Variants in EPHA6 observed in about 807,000 individuals in gnomAD.
EPHA6 encodes the protein EPH receptor A6, also known as ephrin type-A receptor 6.
EPHA6 carries 50 observed loss-of-function variants against 112.0 expected under a neutral mutation model. That is an observed-to-expected ratio of 0.45 (90% CI 0.36 to 0.56). The LOEUF (loss-of-function observed/expected upper bound fraction) is 0.56, where lower values mean the gene tolerates loss of function less well. Among genes scored for constraint, EPHA6 ranks in the 20% least tolerant of loss-of-function variants. The probability of loss-of-function intolerance (pLI) is 0.00; values close to 1 mark genes in which losing one functional copy is unlikely to be tolerated. For synonymous variants in EPHA6, 529 were observed against 490.7 expected (o/e 1.08, Z -1.03); for missense variants, 1,280 against 1,417.4 (o/e 0.90, Z 1.56).
chr3:97,003,852 A>T (rs2043774532), intron 3 of EPHA6, among the ~76,000 whole-genome samples: 1 of 137,370 alleles, frequency 7.3e-6, no homozygotes. Flanking sequence ...CGTGTTCTTA[A>T]TGGATGTTCA....
At chr3:97,288,671 A>G (rs1446740035) in intron 5 of EPHA6, among the ~76,000 whole-genome samples, 1 of 152,204 alleles carries the variant, frequency 6.6e-6, no homozygotes, top group Non-Finnish European at 1.5e-5. Context: ...ACAGTGGCTG[A>G]ACTAATTTAC....
intron 3 of EPHA6, among the ~76,000 whole-genome samples, chr3:97,211,716 T>TG (rs1559801276): frequency 6.6e-6 from 1 of 152,090 alleles, no homozygotes; most frequent in South Asian, 2.1e-4. Context: ...CATCAAAATT[T>TG]GGGGGGCATA....
At chr3:96,878,339 TGAGAGA>T (rs939898986) in intron 2 of EPHA6, among the ~76,000 whole-genome samples, 1 of 150,748 alleles carries the variant, frequency 6.6e-6, no homozygotes, top group African/African-American at 2.4e-5. Context: ...ACAGAAAGAT[TGAGAGA>T]GAGAGAAAGA....
intron 14 of EPHA6, among the ~76,000 whole-genome samples, chr3:97,678,986 G>T (rs2031636667): frequency 6.6e-6 from 1 of 152,028 alleles, no homozygotes; most frequent in Non-Finnish European, 1.5e-5. Context: ...TATTTATTGT[G>T]ATAACTATAT....
chr3:97,741,173 C>A (rs1576386272), intron 16 of EPHA6, among the ~76,000 whole-genome samples: 1 of 151,816 alleles, frequency 6.6e-6, no homozygotes, highest in Non-Finnish European at 1.5e-5. Context: ...CAAAGTGAGA[C>A]CCCATCTCTA....
chr3:97,495,281 C>A (rs1197958300), intron 10 of EPHA6, among the ~76,000 whole-genome samples: 1 of 149,794 alleles, frequency 6.7e-6, no homozygotes, highest in Non-Finnish European at 1.5e-5. Flanking sequence ...TAAATATGAA[C>A]CATATATATC....
At chr3:97,471,719 G>A (rs2091235134) in intron 7 of EPHA6, among the ~76,000 whole-genome samples, 1 of 151,644 alleles carries the variant, frequency 6.6e-6, no homozygotes, top group African/African-American at 2.4e-5. Flanking sequence ...TGGGAATGTG[G>A]ATTACTCCTG....
At chr3:96,973,824 CAAAAA>C (rs374520473) in intron 2 of EPHA6, among the ~76,000 whole-genome samples, 1 of 52,736 alleles carries the variant, frequency 1.9e-5, no homozygotes, top group Non-Finnish European at 3.8e-5. Flanking sequence ...GACTCCATAT[CAAAAA>C]AAAAAAAAAA....
At chr3:97,685,929 C>T (rs1391711646) in intron 14 of EPHA6, among the ~76,000 whole-genome samples, 29 of 151,996 alleles carry the variant, frequency 1.9e-4, no homozygotes, top group Non-Finnish European at 4.4e-5. Flanking sequence ...TATTCTACCT[C>T]CTTTGATGTA....
At chr3:97,030,578 A>G (rs1197333882) in intron 3 of EPHA6, among the ~76,000 whole-genome samples, 1 of 152,048 alleles carries the variant, frequency 6.6e-6, no homozygotes, top group Non-Finnish European at 1.5e-5. Context: ...AATATCTAGC[A>G]TAATCTTTTT....
At chr3:97,400,318 G>A (rs1261200405) in intron 5 of EPHA6, among the ~76,000 whole-genome samples, 1 of 151,690 alleles carries the variant, frequency 6.6e-6, no homozygotes, top group Non-Finnish European at 1.5e-5. Flanking sequence ...ATTGAAATGT[G>A]TTTCTATGAC....
intron 5 of EPHA6, among the ~76,000 whole-genome samples, chr3:97,363,103 T>C: frequency 7.0e-6 from 1 of 142,266 alleles, no homozygotes; most frequent in Non-Finnish European, 1.5e-5. Flanking sequence ...CAACAGTTCT[T>C]AAACACCACA....
intron 14 of EPHA6, among the ~76,000 whole-genome samples, chr3:97,694,680 G>A (rs1436691149): frequency 6.6e-6 from 1 of 152,200 alleles, no homozygotes; most frequent in Non-Finnish European, 1.5e-5. Context: ...CCCACATCTT[G>A]TTTGAGGATG....
intron 3 of EPHA6, among the ~76,000 whole-genome samples, chr3:97,200,553 G>C (rs1327599365): frequency 6.6e-6 from 1 of 152,056 alleles, no homozygotes; most frequent in Non-Finnish European, 1.5e-5. Flanking sequence ...CTGTACCTGT[G>C]TTCCCTCCAG....
At chr3:97,681,852 G>A (rs1195109689) in intron 14 of EPHA6, among the ~76,000 whole-genome samples, 1 of 152,044 alleles carries the variant, frequency 6.6e-6, no homozygotes, top group African/African-American at 2.4e-5. Flanking sequence ...TACTGATTGG[G>A]AGAGGGATGA....
intron 5 of EPHA6, among the ~76,000 whole-genome samples, chr3:97,269,335 C>T (rs2079803976): frequency 6.6e-6 from 1 of 152,122 alleles, no homozygotes; most frequent in Non-Finnish European, 1.5e-5. Flanking sequence ...TCCAGGTATC[C>T]ATTTCTTGAT....
At chr3:96,897,941 A>G (rs888394945) in intron 2 of EPHA6, among the ~76,000 whole-genome samples, 5 of 152,182 alleles carry the variant, frequency 3.3e-5, no homozygotes, top group African/African-American at 9.7e-5. Flanking sequence ...TAACGCTGCT[A>G]TTTAGTGCCA....
intron 3 of EPHA6, among the ~76,000 whole-genome samples, chr3:97,018,571 G>T (rs917244610): frequency 4.6e-5 from 7 of 152,208 alleles, no homozygotes; most frequent in Admixed American, 3.3e-4. Context: ...GAGACAAAGA[G>T]AGAAACAACT....
chr3:97,350,759 A>G (rs979316555), intron 5 of EPHA6, among the ~76,000 whole-genome samples: 1 of 152,116 alleles, frequency 6.6e-6, no homozygotes, highest in Admixed American at 6.5e-5. Flanking sequence ...AATATGCCAC[A>G]TGTTCATTCC....
Sources: allele counts gnomAD v4.1 joint callset (sites outside exome capture counted in the v4.1 genomes callset), GRCh38; gene constraint gnomAD v4.1.1; transcripts MANE v1.5; gene names NCBI Gene and HGNC (gene_info 2026-07-23, HGNC 2026-07-21).